The following SNX29 variants were observed in gnomAD, a reference collection of about 807,000 sequenced individuals.
The protein encoded by SNX29 is sorting nexin 29.
In SNX29, 78 loss-of-function variants were observed where a neutral mutation model predicts 102.1. The ratio of observed to expected loss-of-function variants is 0.76; its 90% CI spans 0.64 to 0.92. The LOEUF (loss-of-function observed/expected upper bound fraction) is 0.92, where lower values mean the gene tolerates loss of function less well. SNX29 is among the 40% of genes least tolerant of loss of function. SNX29 has a pLI of 0.00. For missense variants in SNX29, 1,280 were observed against 1,061.7 expected (o/e 1.21, Z -2.86); for synonymous variants, 580 against 414.5 (o/e 1.40, Z -4.85).
At chr16:12,269,251 C>T (rs912026452) in intron 14 of SNX29, among the ~76,000 whole-genome samples, 4 of 152,102 alleles carry the variant, frequency 2.6e-5, no homozygotes, top group Non-Finnish European at 5.9e-5. Context: ...AAGTAGACTG[C>T]GGATTTTTCC....
intron 20 of SNX29, among the ~76,000 whole-genome samples, chr16:12,568,084 T>C (rs182415134): frequency 6.6e-6 from 1 of 152,216 alleles, no homozygotes; most frequent in Non-Finnish European, 1.5e-5. Flanking sequence ...AGGAAGTCCG[T>C]CTCCTGTGTT....
At chr16:12,173,330 C>G (rs1464786300) in intron 13 of SNX29, among the ~76,000 whole-genome samples, 2 of 152,244 alleles carry the variant, frequency 1.3e-5, no homozygotes, top group African/African-American at 4.8e-5. Context: ...CCACTTGACT[C>G]TGTTTTAGTT....
rs149798959 is a variant in SNX29 at position 12,533,605 on chromosome 16, C to A, written c.2318+8764C>A. On this transcript the variant is annotated intron_variant, in intron 20 of 20. Transcript: ENST00000566228. ...GTATATTATTTGGAGGGAGGAGACA[C>A]CCCGCTACCTGGACTGACACCCCAA... 2.3e-3 allele frequency among the ~76,000 whole-genome samples: 343 copies of A among 152,290 alleles called. 2 individuals carry two copies. The highest frequency in any genetic ancestry group is 7.9e-3 in the African/African-American group (328 of 41,556).
At chr16:12,119,938 C>A (rs1205454172) in intron 11 of SNX29, among the ~76,000 whole-genome samples, 3 of 152,178 alleles carry the variant, frequency 2.0e-5, no homozygotes, top group Non-Finnish European at 4.4e-5. Context: ...ATGAAACAGG[C>A]AGTGTGTGGT....
intron 20 of SNX29, chr16:12,526,626 G>A (rs2141144349): frequency 3.8e-6 from 2 of 532,566 alleles, no homozygotes; most frequent in Non-Finnish European, 7.3e-6. Context: ...GCATCCCCAT[G>A]GCCCAGGGTG....
At chr16:12,553,993 T>A (rs1460193502) in intron 20 of SNX29, among the ~76,000 whole-genome samples, 2 of 151,978 alleles carry the variant, frequency 1.3e-5, no homozygotes, top group African/African-American at 4.8e-5. Context: ...TTTGGCTAAT[T>A]TTTGTATTTT....
chr16:12,567,230 G>A (rs1360846258), intron 20 of SNX29, among the ~76,000 whole-genome samples: 5 of 152,078 alleles, frequency 3.3e-5, no homozygotes, highest in Admixed American at 3.3e-4. Flanking sequence ...ATAAGGCAGA[G>A]CTAGCTGTGG....
chr16:12,552,995 T>C (rs950282658), intron 20 of SNX29, among the ~76,000 whole-genome samples: 5 of 152,216 alleles, frequency 3.3e-5, no homozygotes, highest in African/African-American at 9.6e-5. Context: ...TCTGAGGGGC[T>C]GAAATCAGGA....
intron 15 of SNX29, among the ~76,000 whole-genome samples, chr16:12,298,175 G>T (rs1374689263): frequency 6.6e-6 from 1 of 152,104 alleles, no homozygotes; most frequent in East Asian, 1.9e-4. Context: ...GTTTCAGAAA[G>T]AAAAGAAATA....
intron 4 of SNX29, among the ~76,000 whole-genome samples, chr16:12,031,760 G>A (rs1300701573): frequency 2.6e-5 from 4 of 151,946 alleles, no homozygotes; most frequent in African/African-American, 7.3e-5. Flanking sequence ...AGCCGAGATC[G>A]CGCCACTGCA....
chr16:12,552,055 G>C (rs966858182), intron 20 of SNX29, among the ~76,000 whole-genome samples: 1 of 150,802 alleles, frequency 6.6e-6, no homozygotes, highest in African/African-American at 2.4e-5. Context: ...AGGATTTTTG[G>C]GGCACTGAAT....
chr16:12,510,597 C>G (rs1401173599), intron 19 of SNX29, among the ~76,000 whole-genome samples: 2 of 151,954 alleles, frequency 1.3e-5, no homozygotes, highest in East Asian at 3.9e-4. Flanking sequence ...CGCTGGAACC[C>G]CGGAGGCAGA....
At chr16:12,386,172 C>G (rs975112816) in intron 16 of SNX29, among the ~76,000 whole-genome samples, 6 of 152,200 alleles carry the variant, frequency 3.9e-5, no homozygotes, top group African/African-American at 1.4e-4. Flanking sequence ...TTTCTGAACT[C>G]CTGGATCCAA....
intron 20 of SNX29, among the ~76,000 whole-genome samples, chr16:12,543,455 G>C (rs1025828723): frequency 6.6e-6 from 1 of 152,234 alleles, no homozygotes; most frequent in Non-Finnish European, 1.5e-5. Context: ...TCATGCTGCG[G>C]GGTCTGGTGA....
chr16:12,411,271 G>A (rs1347501745), intron 18 of SNX29, among the ~76,000 whole-genome samples: 2 of 152,210 alleles, frequency 1.3e-5, no homozygotes, highest in Non-Finnish European at 2.9e-5. Flanking sequence ...TTTGATTTGT[G>A]AGTTTCATCC....
chr16:12,127,952 G>A (rs993904776), intron 12 of SNX29, among the ~76,000 whole-genome samples: 3 of 152,062 alleles, frequency 2.0e-5, no homozygotes, highest in East Asian at 1.9e-4. Flanking sequence ...CGTGGGGAGA[G>A]GGGGGTGTGT....
At chr16:12,313,515 C>G (rs1266200470) in intron 15 of SNX29, among the ~76,000 whole-genome samples, 1 of 152,186 alleles carries the variant, frequency 6.6e-6, no homozygotes, top group African/African-American at 2.4e-5. Flanking sequence ...TGAGAAGTGC[C>G]CTTCCATGAC....
chr16:12,368,180 A>G (rs2082554747), intron 16 of SNX29, among the ~76,000 whole-genome samples: 1 of 152,050 alleles, frequency 6.6e-6, no homozygotes, highest in Non-Finnish European at 1.5e-5. Context: ...TCCCCTGGGG[A>G]CCCATGAGGG....
At chr16:12,228,881 G>C (rs1450545635) in intron 14 of SNX29, among the ~76,000 whole-genome samples, 1 of 152,274 alleles carries the variant, frequency 6.6e-6, no homozygotes, top group Non-Finnish European at 1.5e-5. Flanking sequence ...TGCAAAGCTG[G>C]TGATGCGGGG....
Sources: allele counts gnomAD v4.1 joint callset (sites outside exome capture counted in the v4.1 genomes callset), GRCh38; gene constraint gnomAD v4.1.1; transcripts MANE v1.5; gene names NCBI Gene and HGNC (gene_info 2026-07-23, HGNC 2026-07-21).